CELSR1: variants seen among roughly 807,000 people sequenced by gnomAD.
The protein encoded by CELSR1 is cadherin EGF LAG seven-pass G-type receptor 1.
Under a neutral mutation model 249.1 loss-of-function variants are expected in CELSR1, and 110 were observed. That is an observed-to-expected ratio of 0.44 (90% CI 0.38 to 0.52). CELSR1 has a LOEUF of 0.52. Ranked by LOEUF, CELSR1 falls within the 20% of genes least tolerant of loss-of-function variation. The pLI is 0.00. For synonymous variants in CELSR1, 2,113 were observed against 1,900.0 expected (o/e 1.11, Z -2.92); for missense variants, 4,109 against 4,296.4 (o/e 0.96, Z 1.22).
chr22:46,499,781 G>A (rs1013171562), intron 1 of CELSR1, among the ~76,000 whole-genome samples: 10 of 151,956 alleles, frequency 6.6e-5, no homozygotes, highest in African/African-American at 9.7e-5. Context: ...CTCTGCTCTC[G>A]TCCCTCAGAA....
intron 29 of CELSR1, 74 bp from the exon 30 acceptor site, chr22:46,366,554 C>T: frequency 3.2e-6 from 4 of 1,232,962 alleles, no homozygotes; most frequent in Non-Finnish European, 4.6e-6. Flanking sequence ...TGACTCTGTC[C>T]CCACGGCAAG....
At chr22:46,370,331 C>T in intron 25 of CELSR1, 1 of 349,446 alleles carries the variant, frequency 2.9e-6, no homozygotes, top group South Asian at 2.1e-5. Flanking sequence ...ATACCCTATA[C>T]ACATGCATGC....
chr22:46,492,471 T>C (rs913094685), intron 1 of CELSR1, among the ~76,000 whole-genome samples: 11 of 152,176 alleles, frequency 7.2e-5, no homozygotes, highest in Admixed American at 6.6e-5. Context: ...CACCCCTTTG[T>C]TTTAAAAACT....
rs1236779107 is a variant in CELSR1, at chr22:46,440,836, C to T, written c.4184-1425G>A. ...TATTTATCCATTTTTTTCTTCATGGCTCTGGTCATCTTGGGTTGTTAAAAG... is the reference window on the plus strand; with the variant it reads ...TATTTATCCATTTTTTTCTTCATGGTTCTGGTCATCTTGGGTTGTTAAAAG... On this transcript the variant is annotated intron_variant, in intron 2 of 34. Coordinates refer to ENST00000674500, the MANE Select transcript of CELSR1 (RefSeq NM_001378328.1). The surrounding 1 kb of genome is among the most constrained non-coding windows in gnomAD (Gnocchi z 4.7). Among the ~76,000 whole-genome samples the T allele has an allele frequency of 6.6e-6, 1 of 152,108 alleles. No individual in the cohort carries two copies. The highest frequency in any genetic ancestry group is 6.6e-5 in the Admixed American group (1 of 15,262).
chr22:46,416,384 C>G lies in CELSR1; in HGVS notation c.4612-4625G>C, dbSNP rs571671827. On this transcript the variant is annotated intron_variant, in intron 5 of 34. Coordinates refer to ENST00000674500, the MANE Select transcript of CELSR1 (RefSeq NM_001378328.1). The stretch of plus-strand genomic sequence containing the variant: ...GCCGGCCAGGCCCAGAGGACCCCCC[C>G]CAACCCCTGCACCAACACCCCTTGC... 1.4e-4 allele frequency among the ~76,000 whole-genome samples: 22 copies of G among 152,326 alleles called. No homozygotes were observed. In the East Asian group the frequency reaches 2.7e-3, roughly 19 times the overall value.
chr22:46,367,232 C>A, intron 28 of CELSR1, 114 bp from the exon 29 acceptor site: 1 of 1,395,288 alleles, frequency 7.2e-7, no homozygotes, highest in Non-Finnish European at 9.6e-7. Context: ...TGTCCGGCCA[C>A]ACGGCCCAGG....
chr22:46,412,882 G>A lies in CELSR1; in HGVS notation c.4612-1123C>T, dbSNP rs1481696139. Among the ~76,000 whole-genome samples the A allele has an allele frequency of 6.6e-6, 1 of 152,174 alleles. No homozygotes were observed. The highest frequency in any genetic ancestry group is 1.5e-5 in the Non-Finnish European group (1 of 68,036). Reference sequence around the variant, plus strand: ...TAACAAGACCTACATCCCACAGGTGGCCGTGACGATGAGCCAGGAGATCGC... The same window carrying A: ...TAACAAGACCTACATCCCACAGGTGACCGTGACGATGAGCCAGGAGATCGC... On this transcript the variant is annotated intron_variant, in intron 5 of 34. Transcript: ENST00000674500. The surrounding 1 kb of genome is among the most constrained non-coding windows in gnomAD (Gnocchi z 4.5).
Position 46,433,810 on chromosome 22 carries a change from G to C in CELSR1, c.4523-329C>G, listed in dbSNP as rs1021512406. Among the ~76,000 whole-genome samples, 1 of 152,080 alleles carries C rather than the reference G, an allele frequency of 6.6e-6. No homozygotes were observed. Among genetic ancestry groups the C allele is most frequent in the African/African-American group, 2.4e-5 (1 of 41,390 alleles). On this transcript the variant is annotated intron_variant, in intron 4 of 34. Transcript: ENST00000674500. The surrounding 1 kb of genome is among the most constrained non-coding windows in gnomAD (Gnocchi z 5.7). ...AGAGATTCTCCTGCCTCAGCCTCCT[G>C]AGTAGCTGGGATTACAGGCACCCAC...
intron 5 of CELSR1, among the ~76,000 whole-genome samples, chr22:46,415,934 G>A (rs1482163498): frequency 2.0e-5 from 3 of 152,240 alleles, no homozygotes; most frequent in East Asian, 3.8e-4. Flanking sequence ...GACAAAGTGC[G>A]TCTCCGCTGA....
chr22:46,514,694 C>A (rs1010349124), intron 1 of CELSR1, among the ~76,000 whole-genome samples: 1 of 152,180 alleles, frequency 6.6e-6, no homozygotes, highest in Non-Finnish European at 1.5e-5. Context: ...CGGAGGGAGC[C>A]GGGGCTGCAG....
chr22:46,391,505 A>C lies in CELSR1; in HGVS notation c.6148+128T>G. On this transcript the variant is annotated intron_variant, in intron 15 of 34. Transcript: ENST00000674500. The surrounding 1 kb of genome is among the most constrained non-coding windows in gnomAD (Gnocchi z 4.3). ...CGCAGAACCAGGTTTCTAGAAGGTCAAGAGAACTCAGAACACGAGGGAGCC... is the reference window on the plus strand; with the variant it reads ...CGCAGAACCAGGTTTCTAGAAGGTCCAGAGAACTCAGAACACGAGGGAGCC... The C allele has an allele frequency of 1.7e-6, 2 of 1,173,642 alleles. No individual in the cohort carries two copies. The highest frequency in any genetic ancestry group is 2.3e-6 in the Non-Finnish European group (2 of 859,610). 72.7% of individuals were successfully genotyped at this position (1,173,642 alleles called of 1,614,324 possible).
Position 46,536,743 on chromosome 22 carries a change from T to A in CELSR1, c.428A>T (p.Gln143Leu). The A allele has an allele frequency of 9.2e-7, 1 of 1,088,932 alleles. No individual in the cohort carries two copies. The highest frequency in any genetic ancestry group is 1.1e-6 in the Non-Finnish European group (1 of 901,238). 67.5% of individuals were successfully genotyped at this position (1,088,932 alleles called of 1,614,324 possible). Residue 143 changes from glutamine (Q) to leucine (L), a missense_variant, in exon 1 of 35, where the codon CAG becomes CTG. Gln to Leu is a moderately radical substitution (Grantham distance 113). This residue lies in a region of CELSR1 where 673 missense variants were observed against 636.8 expected (regional missense o/e 1.06). Coordinates refer to ENST00000674500, the MANE Select transcript of CELSR1 (RefSeq NM_001378328.1). ...FPVPGGCAAA[Q>L]HSALAAPTTL... ...GGTCGGAGCTGCGAGCGCCGAATGC[T>A]GCGCGGCCGCGCAGCCGCCGGGGAC...
In CELSR1 at chr22:46,512,232, A is replaced by G. The variant is rs1034599158; in HGVS notation, c.3544+21395T>C. Among the ~76,000 whole-genome samples, 3 of 149,982 alleles carry G rather than the reference A, an allele frequency of 2.0e-5. No homozygotes were observed. Among genetic ancestry groups the G allele is most frequent in the Admixed American group, 6.6e-5 (1 of 15,190 alleles). Reference sequence around the variant, plus strand: ...GGCAGGTGTCCCGGATTTGCAGAGGAGGACCAAGAAGCACTCAGGGACTGA... The same window carrying G: ...GGCAGGTGTCCCGGATTTGCAGAGGGGGACCAAGAAGCACTCAGGGACTGA... On this transcript the variant is annotated intron_variant, in intron 1 of 34. Transcript: ENST00000674500. The surrounding 1 kb of genome is among the most constrained non-coding windows in gnomAD (Gnocchi z 5.2).
In CELSR1 at chr22:46,471,938, G is replaced by A. The variant is rs770291970; in HGVS notation, c.3545-7593C>T. 6.6e-6 allele frequency among the ~76,000 whole-genome samples: 1 copy of A among 152,090 alleles called. No homozygotes were observed. The highest frequency in any genetic ancestry group is 3.2e-3 in the Middle Eastern group (1 of 316). ...GACTTTCTGCCTCACGCTGTCCCCC[G>A]TGGTTTCATTTCTGTGTGTGAGTAC... On this transcript the variant is annotated intron_variant, in intron 1 of 34. Coordinates refer to ENST00000674500, the MANE Select transcript of CELSR1 (RefSeq NM_001378328.1). This position sits in a 1 kb window ranked among gnomAD's most constrained non-coding sequence, Gnocchi z 4.9.
chr22:46,364,286 GT>G, intron 33 of CELSR1, 35 bp from the exon 34 acceptor site: 1 of 1,597,394 alleles, frequency 6.3e-7, no homozygotes, highest in Non-Finnish European at 8.5e-7. Context: ...TCAAGTCCGG[GT>G]GATGCTGCCG....
chr22:46,387,517 C>T (rs1487355239), intron 18 of CELSR1, among the ~76,000 whole-genome samples: 5 of 145,394 alleles, frequency 3.4e-5, no homozygotes, highest in African/African-American at 1.4e-4. Flanking sequence ...CCACCCCGCC[C>T]AGCTGATTTT....
At chr22:46,455,872 AAC>A (rs1461081615) in intron 2 of CELSR1, among the ~76,000 whole-genome samples, 1 of 152,204 alleles carries the variant, frequency 6.6e-6, no homozygotes, top group African/African-American at 2.4e-5. Context: ...TTTTATAGAA[AAC>A]AGTTATCCAG....
chr22:46,385,502 C>T (rs922585898), intron 19 of CELSR1, among the ~76,000 whole-genome samples: 2 of 152,122 alleles, frequency 1.3e-5, no homozygotes, highest in African/African-American at 4.8e-5. Flanking sequence ...GACACCCACC[C>T]TTCTAGAGTC....
rs1489835856 is a variant in CELSR1 at position 46,527,372 on chromosome 22, G to A, written c.3544+6255C>T. ...CAGCTCTTGCCTAAATCCTCCCGAG[G>A]GGGCCCACCAAACCCTCCACAGTCA... is the stretch of plus-strand genomic sequence containing the variant. On this transcript the variant is annotated intron_variant, in intron 1 of 34. Coordinates refer to ENST00000674500, the MANE Select transcript of CELSR1 (RefSeq NM_001378328.1). The surrounding 1 kb of genome is among the most constrained non-coding windows in gnomAD (Gnocchi z 5.5). Among the ~76,000 whole-genome samples the A allele has an allele frequency of 6.6e-6, 1 of 152,098 alleles. No homozygotes were observed. The highest frequency in any genetic ancestry group is 1.5e-5 in the Non-Finnish European group (1 of 67,994).
Sources: allele counts gnomAD v4.1 joint callset (sites outside exome capture counted in the v4.1 genomes callset), GRCh38; gene constraint gnomAD v4.1.1; regional missense constraint gnomAD v4.1.1; non-coding constraint Gnocchi (gnomAD v3.1); transcripts MANE v1.5; gene names NCBI Gene and HGNC (gene_info 2026-07-23, HGNC 2026-07-21).